PARD3B: variants seen among roughly 807,000 people sequenced by gnomAD.
PARD3B encodes the protein partitioning defective 3 homolog B.
In PARD3B, 103 loss-of-function variants were observed where a neutral mutation model predicts 130.2. The observed-to-expected ratio is 0.79, with a 90% CI of 0.67 to 0.93. PARD3B has a LOEUF of 0.93. PARD3B is among the 40% of genes least tolerant of loss of function. The pLI, the probability that PARD3B is intolerant of heterozygous loss-of-function variation, is 0.00. For missense variants in PARD3B, 1,609 were observed against 1,499.2 expected, an observed-to-expected ratio of 1.07 and a Z score of -1.21; for synonymous variants, 583 against 553.2, an observed-to-expected ratio of 1.05 and a Z score of -0.76.
At chr2:204,790,179 T>C (rs1434561484) in intron 2 of PARD3B, among the ~76,000 whole-genome samples, 2 of 152,184 alleles carry the variant, frequency 1.3e-5, no homozygotes, top group Non-Finnish European at 2.9e-5. Flanking sequence ...CTCTGATGTT[T>C]TTATAAAATA....
At chr2:204,621,869 C>T (rs1462098864) in intron 1 of PARD3B, among the ~76,000 whole-genome samples, 2 of 152,150 alleles carry the variant, frequency 1.3e-5, no homozygotes, top group East Asian at 3.8e-4. Flanking sequence ...TCATATTCAC[C>T]TGGTGGCTAT....
chr2:205,152,979 G>A (rs535558875), intron 10 of PARD3B, among the ~76,000 whole-genome samples: 14 of 152,200 alleles, frequency 9.2e-5, no homozygotes, highest in South Asian at 6.2e-4. Flanking sequence ...CTCCTATTCC[G>A]TTCTGTTTGT....
chr2:205,088,646 A>G (rs1029926205), intron 4 of PARD3B, among the ~76,000 whole-genome samples: 1 of 152,200 alleles, frequency 6.6e-6, no homozygotes, highest in Non-Finnish European at 1.5e-5. Context: ...CACATTAATG[A>G]AGAGAGTTAC....
chr2:205,189,443 T>A (rs1387854758), intron 14 of PARD3B, among the ~76,000 whole-genome samples: 1 of 152,224 alleles, frequency 6.6e-6, no homozygotes, highest in Admixed American at 6.5e-5. Context: ...GAGTATCGTT[T>A]CTATTTGGTA....
intron 2 of PARD3B, among the ~76,000 whole-genome samples, chr2:204,863,793 C>G (rs746560141): frequency 2.7e-4 from 41 of 152,176 alleles, no homozygotes; most frequent in Non-Finnish European, 5.0e-4. Context: ...TGACAAAAGA[C>G]AGAGAGTATT....
chr2:205,391,739 T>C (rs77969120), intron 18 of PARD3B, among the ~76,000 whole-genome samples: 2,802 of 152,302 alleles, frequency 0.018, 84 homozygotes, highest in African/African-American at 0.063. Flanking sequence ...TGAATAAGCT[T>C]TTTAGAGTCC....
chr2:205,167,721 C>T (rs938815253), intron 11 of PARD3B, among the ~76,000 whole-genome samples: 3 of 152,160 alleles, frequency 2.0e-5, no homozygotes, highest in Admixed American at 6.5e-5. Context: ...GTAGAAGCAA[C>T]GTAGCATAAA....
chr2:204,644,376 T>G (rs1254584748), intron 1 of PARD3B, among the ~76,000 whole-genome samples: 3 of 152,220 alleles, frequency 2.0e-5, no homozygotes, highest in Non-Finnish European at 4.4e-5. Context: ...TCTTTGTGTG[T>G]GGGTGTGTTT....
intron 21 of PARD3B, among the ~76,000 whole-genome samples, chr2:205,542,018 C>T (rs2052162215): frequency 6.6e-6 from 1 of 151,426 alleles, no homozygotes; most frequent in Non-Finnish European, 1.5e-5. Context: ...TGGTTCATGC[C>T]TATAATCTCA....
intron 19 of PARD3B, among the ~76,000 whole-genome samples, chr2:205,437,121 A>G (rs1008612588): frequency 7.2e-5 from 11 of 152,272 alleles, no homozygotes; most frequent in Non-Finnish European, 1.2e-4. Flanking sequence ...AGATGCAGCC[A>G]TATATCGACT....
chr2:204,650,067 A>G (rs1181526395), intron 1 of PARD3B, among the ~76,000 whole-genome samples: 3 of 152,334 alleles, frequency 2.0e-5, no homozygotes, highest in Non-Finnish European at 4.4e-5. Flanking sequence ...TTTACAAGAA[A>G]AAAAACCCAT....
chr2:204,596,705 G>A (rs780062488), intron 1 of PARD3B, among the ~76,000 whole-genome samples: 1 of 152,142 alleles, frequency 6.6e-6, no homozygotes, highest in Non-Finnish European at 1.5e-5. Flanking sequence ...GAGGCAGGTG[G>A]ATCGCCTGAG....
intron 2 of PARD3B, among the ~76,000 whole-genome samples, chr2:204,816,245 AAAC>A (rs2043143055): frequency 6.6e-6 from 1 of 151,984 alleles, no homozygotes; most frequent in African/African-American, 2.4e-5. Context: ...TATAAACGTC[AAAC>A]AACATTACTA....
chr2:205,066,043 A>G (rs898618583), intron 4 of PARD3B, among the ~76,000 whole-genome samples: 7 of 152,148 alleles, frequency 4.6e-5, no homozygotes, highest in African/African-American at 1.7e-4. Context: ...TTTGTCTCAT[A>G]TAGGACACAG....
intron 16 of PARD3B, among the ~76,000 whole-genome samples, chr2:205,262,274 A>G (rs1456654345): frequency 6.6e-6 from 1 of 152,154 alleles, no homozygotes; most frequent in Non-Finnish European, 1.5e-5. Flanking sequence ...TCTCTAGGAT[A>G]CTACCTTGGT....
intron 2 of PARD3B, among the ~76,000 whole-genome samples, chr2:204,775,591 A>T (rs2041584841): frequency 6.6e-6 from 1 of 152,178 alleles, no homozygotes; most frequent in South Asian, 2.1e-4. Flanking sequence ...AACCTCCATG[A>T]CTTGGCTGAG....
intron 1 of PARD3B, among the ~76,000 whole-genome samples, chr2:204,685,622 C>T (rs984142897): frequency 2.6e-5 from 4 of 152,150 alleles, no homozygotes; most frequent in Admixed American, 1.3e-4. Flanking sequence ...AAATGGCAAG[C>T]GAGGCTGGAG....
At chr2:205,613,465 A>T (rs1438922063) in intron 22 of PARD3B, among the ~76,000 whole-genome samples, 3 of 152,218 alleles carry the variant, frequency 2.0e-5, no homozygotes, top group Non-Finnish European at 4.4e-5. Context: ...CGAAGGCTGG[A>T]AGTTTTCTAA....
chr2:205,545,975 T>C (rs1307974596), intron 21 of PARD3B, among the ~76,000 whole-genome samples: 2 of 152,152 alleles, frequency 1.3e-5, no homozygotes, highest in Non-Finnish European at 2.9e-5. Flanking sequence ...TAAGGAACCA[T>C]GAATGTAAGC....
Sources: allele counts gnomAD v4.1 joint callset (sites outside exome capture counted in the v4.1 genomes callset), GRCh38; gene constraint gnomAD v4.1.1; transcripts MANE v1.5; gene names NCBI Gene and HGNC (gene_info 2026-07-23, HGNC 2026-07-21).